The following UXS1 variants were observed in gnomAD, a reference collection of about 807,000 sequenced individuals.
The protein encoded by UXS1 is UDP-glucuronate decarboxylase 1.
In UXS1, 33 loss-of-function variants were observed where a neutral mutation model predicts 62.6. The observed-to-expected ratio is 0.53, with a 90% CI of 0.40 to 0.70. The LOEUF (loss-of-function observed/expected upper bound fraction) is 0.70. Ranked by LOEUF, UXS1 falls within the 30% of genes least tolerant of loss-of-function variation. The pLI, the probability that UXS1 is intolerant of heterozygous loss-of-function variation, is 0.00. For missense variants in UXS1, 434 were observed against 556.3 expected, an observed-to-expected ratio of 0.78 and a Z score of 2.21; for synonymous variants, 213 against 206.8, an observed-to-expected ratio of 1.03 and a Z score of -0.26.
intron 1 of UXS1, among the ~76,000 whole-genome samples, chr2:106,172,741 G>A (rs1207457245): frequency 6.6e-6 from 1 of 152,174 alleles, no homozygotes; most frequent in Non-Finnish European, 1.5e-5. Flanking sequence ...GACCCCTGGC[G>A]AGGGAGGAGG....
chr2:106,112,508 C>CT, intron 10 of UXS1, 138 bp downstream of exon 10: 1 of 1,375,000 alleles, frequency 7.3e-7, no homozygotes, highest in Non-Finnish European at 9.7e-7. Flanking sequence ...CTGCCTTCCC[C>CT]TTAGTGGAGG....
intron 2 of UXS1, 89 bp from the exon 3 acceptor site, chr2:106,164,888 A>T: frequency 1.1e-6 from 1 of 893,242 alleles, no homozygotes; most frequent in Non-Finnish European, 1.7e-6. Context: ...GATGCAGACC[A>T]CCTCTGTCTC....
chr2:106,175,738 TGAA>T (rs1358682636), intron 1 of UXS1, among the ~76,000 whole-genome samples: 2 of 152,116 alleles, frequency 1.3e-5, no homozygotes, highest in Admixed American at 6.5e-5. Flanking sequence ...GACCTGCCAG[TGAA>T]GAAGCCCCCT....
At position 106,138,418 on chromosome 2, in the gene UXS1, G is replaced by A. The variant is rs1466287603; in HGVS notation, c.472+6772C>T. The A allele has an allele frequency of 6.1e-6, 6 of 985,346 alleles. No individual in the cohort carries two copies. The South Asian group carries it at 2.3e-4, about 39-fold the overall frequency. 61.0% of individuals were successfully genotyped at this position (985,346 alleles called of 1,614,324 possible). ...CCCTTCCTGATGCTCTCCACAGTGT[G>A]GACTCTAGAGGGAGGGGAGGCCCCC... On this transcript the variant is annotated intron_variant, in intron 6 of 14. Transcript: ENST00000283148.
intron 7 of UXS1, 39 bp downstream of exon 7, chr2:106,129,635 C>T (rs746339987): frequency 3.0e-5 from 45 of 1,484,356 alleles, no homozygotes; most frequent in Non-Finnish European, 4.1e-5. Flanking sequence ...CTAAAATATT[C>T]CCAGCAACAG....
intron 14 of UXS1, among the ~76,000 whole-genome samples, chr2:106,096,262 G>A (rs962771949): frequency 1.1e-4 from 16 of 152,122 alleles, no homozygotes; most frequent in East Asian, 3.9e-4. Flanking sequence ...GTGAGTGTGC[G>A]CATGTGAGTG....
intron 1 of UXS1, 26 bp from the exon 2 acceptor site, chr2:106,166,109 C>G: frequency 6.2e-7 from 1 of 1,607,850 alleles, no homozygotes; most frequent in Non-Finnish European, 8.5e-7. Context: ...AAAAGGAAGT[C>G]AATGTTTAAG....
intron 10 of UXS1, 128 bp from the exon 11 acceptor site, chr2:106,104,965 G>C: frequency 1.8e-6 from 2 of 1,088,960 alleles, no homozygotes; most frequent in South Asian, 2.6e-5. Context: ...CTGACTCAAA[G>C]CATCTAGCAC....
intron 9 of UXS1, among the ~76,000 whole-genome samples, chr2:106,119,672 T>C (rs1476656781): frequency 2.0e-5 from 3 of 152,154 alleles, no homozygotes; most frequent in Non-Finnish European, 4.4e-5. Context: ...ACAATCACTT[T>C]GGAGTTGTTG....
rs1048457946 is a variant in UXS1 at position 106,093,669 on chromosome 2, T to C, written c.*357A>G. ...CCCACTTTCATAAATAAAATCGGCA[T>C]TTTTTGTCCCGCTTAATGTTCCTTT... On this transcript the variant is annotated 3_prime_UTR_variant, in exon 15 of 15. Transcript: ENST00000283148. 5 of 186,184 alleles carry C rather than the reference T, an allele frequency of 2.7e-5. No homozygotes were observed. Among genetic ancestry groups the C allele is most frequent in the Non-Finnish European group, 5.5e-5 (5 of 91,068 alleles). 11.5% of individuals were successfully genotyped at this position (186,184 alleles called of 1,614,324 possible). A position where few individuals can be genotyped will look rare whatever the true frequency, so the allele number is the denominator to read the frequency against.
intron 5 of UXS1, among the ~76,000 whole-genome samples, chr2:106,151,285 C>T (rs1187545492): frequency 8.5e-5 from 13 of 152,110 alleles, no homozygotes; most frequent in East Asian, 3.9e-4. Flanking sequence ...ATTCTAGAGA[C>T]GGCAGCCAGA....
intron 10 of UXS1, among the ~76,000 whole-genome samples, chr2:106,105,588 A>G (rs1335155173): frequency 6.6e-6 from 1 of 152,164 alleles, no homozygotes; most frequent in Non-Finnish European, 1.5e-5. Context: ...TGCCCAGGGA[A>G]AGCCCTTTGC....
intron 12 of UXS1, 85 bp downstream of exon 12, chr2:106,100,973 G>A: frequency 6.5e-7 from 1 of 1,536,272 alleles, no homozygotes; most frequent in East Asian, 2.3e-5. Context: ...GATGGCAAAT[G>A]AAGCAAAGCC....
chr2:106,140,503 C>T (rs1014853062), intron 6 of UXS1, among the ~76,000 whole-genome samples: 2 of 152,114 alleles, frequency 1.3e-5, no homozygotes, highest in Non-Finnish European at 2.9e-5. Flanking sequence ...CTGTTTCCAC[C>T]CCTCCTCTTT....
Position 106,181,076 on chromosome 2 carries a change from G to C in UXS1, c.94+13072C>G, listed in dbSNP as rs1020848089. 3.9e-5 allele frequency among the ~76,000 whole-genome samples: 6 copies of C among 152,222 alleles called. 1 individual carries two copies. The highest frequency in any genetic ancestry group is 8.8e-5 in the Non-Finnish European group (6 of 68,044). ...CGAACAGATACATTAAAGAAAAAGA[G>C]GGAAACCAAGGGGAGGGAATCCCTC... On this transcript the variant is annotated intron_variant, in intron 1 of 14. Transcript: ENST00000283148.
At chr2:106,099,288 G>A (rs1406141386) in intron 12 of UXS1, among the ~76,000 whole-genome samples, 2 of 152,150 alleles carry the variant, frequency 1.3e-5, no homozygotes, top group Admixed American at 1.3e-4. Flanking sequence ...TTCATGAAGA[G>A]AGAATACTTG....
chr2:106,168,135 T>C (rs1359241487), intron 1 of UXS1, among the ~76,000 whole-genome samples: 1 of 152,186 alleles, frequency 6.6e-6, no homozygotes, highest in African/African-American at 2.4e-5. Context: ...CACTCCAGCC[T>C]GGGCAACAAG....
intron 14 of UXS1, among the ~76,000 whole-genome samples, chr2:106,094,865 C>T (rs781368528): frequency 7.2e-5 from 11 of 152,170 alleles, no homozygotes; most frequent in African/African-American, 2.7e-4. Flanking sequence ...TTGACTGCAG[C>T]GATGGTTTCA....
intron 1 of UXS1, among the ~76,000 whole-genome samples, chr2:106,167,339 AG>A (rs1683273587): frequency 6.6e-6 from 1 of 152,152 alleles, no homozygotes; most frequent in Non-Finnish European, 1.5e-5. Context: ...CCAGGTGCCG[AG>A]GAAGAACAGA....
Sources: allele counts gnomAD v4.1 joint callset (sites outside exome capture counted in the v4.1 genomes callset), GRCh38; gene constraint gnomAD v4.1.1; transcripts MANE v1.5; gene names NCBI Gene and HGNC (gene_info 2026-07-23, HGNC 2026-07-21).